GRIP1: variants seen among roughly 807,000 people sequenced by gnomAD.
GRIP1 encodes the protein glutamate receptor interacting protein 1, also known as glutamate receptor-interacting protein 1.
In GRIP1, 45 loss-of-function variants were observed where a neutral mutation model predicts 129.9. The ratio of observed to expected loss-of-function variants is 0.35; its 90% confidence interval spans 0.27 to 0.44. The LOEUF is 0.44. GRIP1 is among the 20% of genes least tolerant of loss of function. GRIP1 has a pLI of 1.00. For synonymous variants in GRIP1, 530 were observed against 520.8 expected (o/e 1.02, Z -0.24); for missense variants, 1,196 against 1,396.8 (o/e 0.86, Z 2.29).
chr12:66,647,171 TCAC>T (rs775623919), intron 1 of GRIP1: 1 of 152,178 alleles, frequency 6.6e-6, no homozygotes, highest in East Asian at 1.9e-4. Context: ...CTCTAAACGT[TCAC>T]CACAAGTTAC....
intron 1 of GRIP1, among the ~76,000 whole-genome samples, chr12:66,988,301 TAAAC>T (rs1466589306): frequency 5.9e-5 from 9 of 152,174 alleles, no homozygotes; most frequent in Non-Finnish European, 4.4e-5. Flanking sequence ...TAATAATAAA[TAAAC>T]AGATAAACAT....
chr12:66,976,509 C>T (rs942817145), intron 1 of GRIP1, among the ~76,000 whole-genome samples: 1 of 152,168 alleles, frequency 6.6e-6, no homozygotes, highest in East Asian at 1.9e-4. Context: ...ATTTCACCTC[C>T]AAATGCCTTG....
chr12:66,723,434 T>C (rs1279855332), intron 1 of GRIP1, among the ~76,000 whole-genome samples: 1 of 149,330 alleles, frequency 6.7e-6, no homozygotes, highest in Non-Finnish European at 1.5e-5. Context: ...TGCCTCAGCC[T>C]CCCGAGTAGC....
At chr12:66,418,760 T>A (rs2057700357) in intron 15 of GRIP1, among the ~76,000 whole-genome samples, 1 of 151,896 alleles carries the variant, frequency 6.6e-6, no homozygotes, top group Non-Finnish European at 1.5e-5. Context: ...CTGACCCGAG[T>A]TAAAATGGTT....
At chr12:66,615,304 G>C (rs895535965) in intron 1 of GRIP1, among the ~76,000 whole-genome samples, 8 of 152,120 alleles carry the variant, frequency 5.3e-5, no homozygotes, top group Non-Finnish European at 1.0e-4. Flanking sequence ...TTCAAGGACT[G>C]GGAAGGGTCT....
Position 67,017,591 on chromosome 12 carries a change from G to A in GRIP1, c.58+51459C>T, listed in dbSNP as rs550303411. On this transcript the variant is annotated intron_variant, in intron 1 of 1. Coordinates refer to the GRIP1 transcript ENST00000643019. ...CATGCTGTTCTACCAATCAAAAGGC[G>A]GACTCTCTTTCCCTTGTATCTGGGC... 5.9e-5 allele frequency among the ~76,000 whole-genome samples: 9 copies of A among 152,034 alleles called. No homozygotes were observed. The South Asian group carries it at 1.0e-3, about 18-fold the overall frequency.
intron 1 of GRIP1, among the ~76,000 whole-genome samples, chr12:66,788,451 G>C (rs536332108): frequency 2.7e-4 from 41 of 151,870 alleles, no homozygotes; most frequent in African/African-American, 9.7e-4. Flanking sequence ...TTGAATACTA[G>C]GGAGATGTAA....
intron 16 of GRIP1, among the ~76,000 whole-genome samples, chr12:66,401,384 C>T (rs1311257503): frequency 5.9e-5 from 9 of 151,746 alleles, no homozygotes; most frequent in African/African-American, 2.2e-4. Context: ...TCGAGACTAG[C>T]CTGCCCAACA....
At position 66,698,291 on chromosome 12, in the gene GRIP1, T is replaced by C. The variant is rs114812945; in HGVS notation, c.-419-67955A>G. Among the ~76,000 whole-genome samples the C allele has an allele frequency of 7.1e-3, 1,080 of 152,320 alleles. 15 individuals carry two copies. The highest frequency in any genetic ancestry group is 0.024 in the African/African-American group (1,002 of 41,570). ...AAGTAACTAAGATCACAATTAATTG[T>C]ACTTAATTTAGAAAGAAAGTGTTTT... On this transcript the variant is annotated intron_variant, in intron 1 of 4. Transcript: ENST00000538373.
chr12:66,853,408 C>A (rs2039948408), intron 1 of GRIP1, among the ~76,000 whole-genome samples: 1 of 152,114 alleles, frequency 6.6e-6, no homozygotes, highest in South Asian at 2.1e-4. Context: ...ACTAGCAGGG[C>A]AAACTGTTTG....
chr12:66,632,373 A>G lies in GRIP1; in HGVS notation c.56-35446T>C, dbSNP rs541868654. Among the ~76,000 whole-genome samples, 12 of 152,338 alleles carry G rather than the reference A, an allele frequency of 7.9e-5. No individual in the cohort carries two copies. The Middle Eastern group carries it at 0.014, about 173-fold the overall frequency. ...TGGAGCCCTTGGAGCTCTCAGCAAC[A>G]ACCCCTCTCTATCTTTACATCAGGG... On this transcript the variant is annotated intron_variant, in intron 1 of 24. Coordinates refer to ENST00000359742, the MANE Select transcript of GRIP1 (RefSeq NM_001366722.1).
At chr12:66,567,239 T>C (rs10748054) in intron 2 of GRIP1, among the ~76,000 whole-genome samples, 62,393 of 151,960 alleles carry the variant, frequency 0.41, 12,981 homozygotes, top group African/African-American at 0.46. Context: ...TTAGATCTTT[T>C]CTGCTTTCTC....
intron 1 of GRIP1, among the ~76,000 whole-genome samples, chr12:66,702,490 A>G (rs182811874): frequency 1.3e-5 from 2 of 152,278 alleles, no homozygotes; most frequent in Admixed American, 1.3e-4. Flanking sequence ...CAAAAGTTCT[A>G]TGAAAGAGTT....
At chr12:66,396,650 G>T (rs2056799725) in intron 16 of GRIP1, among the ~76,000 whole-genome samples, 1 of 152,180 alleles carries the variant, frequency 6.6e-6, no homozygotes, top group Non-Finnish European at 1.5e-5. Flanking sequence ...TTTAGATAGT[G>T]ATGGAGATGC....
chr12:66,620,134 C>G (rs1428162557), intron 1 of GRIP1, among the ~76,000 whole-genome samples: 1 of 152,202 alleles, frequency 6.6e-6, no homozygotes, highest in Non-Finnish European at 1.5e-5. Context: ...GATTCAAACT[C>G]AGTTCATGAC....
chr12:66,804,255 C>A, upstream of GRIP1: 1 of 389,500 alleles, frequency 2.6e-6, no homozygotes. Context: ...CTCTGCGAGC[C>A]GGTGGAGCAT....
chr12:66,626,265 G>A (rs1476176248), intron 1 of GRIP1, among the ~76,000 whole-genome samples: 2 of 151,664 alleles, frequency 1.3e-5, no homozygotes, highest in African/African-American at 2.4e-5. Context: ...GCTTGAGCAT[G>A]GGAAGCAGAG....
intron 1 of GRIP1, among the ~76,000 whole-genome samples, chr12:66,988,619 T>A (rs542526256): frequency 1.6e-4 from 25 of 152,246 alleles, no homozygotes; most frequent in African/African-American, 5.3e-4. Context: ...ACTCAAGTGA[T>A]CCCCGTCTCG....
chr12:66,444,417 T>C (rs966042969), intron 13 of GRIP1, among the ~76,000 whole-genome samples, 167 bp downstream of exon 13: 1 of 138,398 alleles, frequency 7.2e-6, no homozygotes, highest in Non-Finnish European at 1.5e-5. Context: ...ACCCGGGAAG[T>C]GGAGCTTGCA....
Sources: allele counts gnomAD v4.1 joint callset (sites outside exome capture counted in the v4.1 genomes callset), GRCh38; gene constraint gnomAD v4.1.1; transcripts MANE v1.5; gene names NCBI Gene and HGNC (gene_info 2026-07-23, HGNC 2026-07-21).